TRMT11: variants seen among roughly 807,000 people sequenced by gnomAD.
The protein encoded by TRMT11 is tRNA methyltransferase 11, also known as tRNA (guanine(10)-N(2))-methyltransferase TRMT11.
In TRMT11, 53 loss-of-function variants were observed where a neutral mutation model predicts 62.8. That is an observed-to-expected ratio of 0.84 (90% CI 0.68 to 1.06). The LOEUF is 1.06. Ranked by LOEUF, TRMT11 falls within the 50% of genes least tolerant of loss-of-function variation. TRMT11 has a pLI of 0.00. For missense variants in TRMT11, 556 were observed against 553.4 expected (o/e 1.00, Z -0.05); for synonymous variants, 188 against 190.3 (o/e 0.99, Z 0.10).
In TRMT11 at chr6:125,998,307, C is replaced by G; in HGVS notation, c.379C>G (p.Arg127Gly). 1 of 1,586,290 alleles carries G rather than the reference C, an allele frequency of 6.3e-7. No individual in the cohort carries two copies. The highest frequency in any genetic ancestry group is 8.6e-7 in the Non-Finnish European group (1 of 1,158,056). The stretch of plus-strand genomic sequence containing the variant: ...ATTGACACAAGAAGAGAAAATCAAG[C>G]GAATAGATGTAAGTAAATTTAGCAA... ...KTLTQEEKIK[R>G]IDALEFLPFE... The change falls in exon 5 of 13, where the codon CGA (arginine) becomes GGA (glycine). Residue 127 changes from arginine (R) to glycine (G), a missense_variant. Coordinates refer to ENST00000334379, the MANE Select transcript of TRMT11 (RefSeq NM_001031712.3).
At chr6:125,991,802 G>T (rs1308613738) in intron 1 of TRMT11, among the ~76,000 whole-genome samples, 2 of 152,164 alleles carry the variant, frequency 1.3e-5, no homozygotes, top group Non-Finnish European at 1.5e-5. Flanking sequence ...GAGTTAATCA[G>T]GGCTAAGTAT....
the TRMT11 span, among the ~76,000 whole-genome samples, chr6:126,270,172 C>T: frequency 1.3e-5 from 2 of 152,194 alleles, no homozygotes; most frequent in East Asian, 1.9e-4. Context: ...GAGCACAGTA[C>T]TTGGCCCTGT....
At chr6:126,046,796 A>C (rs1208792582) in intron 16 of TRMT11, among the ~76,000 whole-genome samples, 3 of 152,178 alleles carry the variant, frequency 2.0e-5, no homozygotes, top group African/African-American at 7.2e-5. Context: ...CTGTTGAACC[A>C]ATTTAATGCA....
the TRMT11 span, among the ~76,000 whole-genome samples, chr6:126,265,829 ATTATAT>A: frequency 5.9e-5 from 9 of 152,194 alleles, no homozygotes; most frequent in Non-Finnish European, 1.2e-4. Context: ...TTCTGAAGAC[ATTATAT>A]TTATCATTCT....
chr6:126,008,383 A>AT lies in TRMT11; in HGVS notation c.680-4dup, dbSNP rs750804739. On this transcript the variant is annotated splice_polypyrimidine_tract_variant and intron_variant, in intron 7 of 12. Transcript: ENST00000334379. ...CTGGTTAACAGGTCAAAATTGTGTG[A>AT]TTTTTCAGGTGGCCTGCTGATAGCA... The AT allele has an allele frequency of 3.7e-6, 6 of 1,612,564 alleles. No homozygotes were observed. Among genetic ancestry groups the AT allele is most frequent in the East Asian group, 4.5e-5 (2 of 44,878 alleles).
intron 7 of TRMT11, among the ~76,000 whole-genome samples, chr6:126,001,011 T>C (rs771815628): frequency 2.6e-5 from 4 of 152,176 alleles, no homozygotes; most frequent in Non-Finnish European, 5.9e-5. Flanking sequence ...TTGTTCTATT[T>C]GTTTCTATTT....
chr6:126,247,307 C>T, the TRMT11 span, among the ~76,000 whole-genome samples: 2 of 151,814 alleles, frequency 1.3e-5, no homozygotes, highest in Non-Finnish European at 2.9e-5. Context: ...AATATCATAA[C>T]AGAGGAGAAA....
intron 18 of TRMT11, among the ~76,000 whole-genome samples, chr6:126,114,594 A>C (rs1777567527): frequency 6.6e-6 from 1 of 152,122 alleles, no homozygotes; most frequent in South Asian, 2.1e-4. Context: ...TCCGCAGTGT[A>C]CTGTGACTTT....
chr6:126,184,756 G>C (rs538576670), intron 1 of TRMT11, among the ~76,000 whole-genome samples: 3 of 152,316 alleles, frequency 2.0e-5, no homozygotes, highest in South Asian at 4.1e-4. Flanking sequence ...TGGGTTCCAA[G>C]AGTAGGGTGA....
intron 12 of TRMT11, 94 bp from the exon 13 acceptor site, chr6:126,038,611 A>T: frequency 9.1e-7 from 1 of 1,101,770 alleles, no homozygotes; most frequent in Non-Finnish European, 1.3e-6. Flanking sequence ...AGAGAGTGAG[A>T]TTTTGCTTAA....
intron 9 of TRMT11, among the ~76,000 whole-genome samples, chr6:126,011,742 T>C (rs1197915684): frequency 6.6e-6 from 1 of 152,222 alleles, no homozygotes; most frequent in Non-Finnish European, 1.5e-5. Context: ...TTGACTATAA[T>C]TGGTTATTAT....
In TRMT11 at chr6:126,012,858, T is replaced by C; in HGVS notation, c.1007+6T>C. 6.2e-7 allele frequency: 1 copy of C among 1,612,774 alleles called. No individual in the cohort carries two copies. Among genetic ancestry groups the C allele is most frequent in the South Asian group, 1.1e-5 (1 of 91,038 alleles). ...ATAGAAAAATGGGAAAAATGGTAAG[T>C]GAAATTTAAATATGATGTGTTACTA... On this transcript the variant is annotated splice_donor_region_variant and intron_variant, in intron 10 of 12. Coordinates refer to ENST00000334379, the MANE Select transcript of TRMT11 (RefSeq NM_001031712.3).
chr6:126,073,844 C>T (rs1250486624), intron 17 of TRMT11, among the ~76,000 whole-genome samples: 2 of 152,106 alleles, frequency 1.3e-5, no homozygotes, highest in East Asian at 1.9e-4. Context: ...ACTCACAGTT[C>T]AGCATGGCTG....
chr6:126,043,580 G>A (rs1316959263), downstream of TRMT11, among the ~76,000 whole-genome samples: 1 of 151,668 alleles, frequency 6.6e-6, no homozygotes, highest in African/African-American at 2.4e-5. Context: ...GTAATGGGAT[G>A]GCTGGGTCAA....
chr6:126,052,320 G>T (rs1194723506), intron 16 of TRMT11, among the ~76,000 whole-genome samples: 1 of 152,132 alleles, frequency 6.6e-6, no homozygotes, highest in Non-Finnish European at 1.5e-5. Flanking sequence ...TTGGGCTCCA[G>T]ACGCAGAAAA....
intron 17 of TRMT11, among the ~76,000 whole-genome samples, chr6:126,076,089 ATT>A (rs759819132): frequency 6.3e-5 from 9 of 142,496 alleles, no homozygotes; most frequent in Non-Finnish European, 1.2e-4. Context: ...TTAGTGTGCT[ATT>A]AAGGTTAGTA....
chr6:126,070,840 A>G (rs1776829777), intron 17 of TRMT11, among the ~76,000 whole-genome samples: 1 of 152,222 alleles, frequency 6.6e-6, no homozygotes, highest in Admixed American at 6.5e-5. Flanking sequence ...AGATGGGGAA[A>G]CTGAGGTTTA....
At chr6:126,229,487 A>G in the TRMT11 span, among the ~76,000 whole-genome samples, 3 of 152,198 alleles carry the variant, frequency 2.0e-5, no homozygotes, top group Admixed American at 2.0e-4. Context: ...ATCACATTGA[A>G]AAGGCTGGTA....
chr6:126,211,425 C>T, the TRMT11 span, among the ~76,000 whole-genome samples: 1 of 152,150 alleles, frequency 6.6e-6, no homozygotes, highest in Non-Finnish European at 1.5e-5. Context: ...TCCATCTCCA[C>T]TACCACTATC....
Sources: allele counts gnomAD v4.1 joint callset (sites outside exome capture counted in the v4.1 genomes callset), GRCh38; gene constraint gnomAD v4.1.1; transcripts MANE v1.5; gene names NCBI Gene and HGNC (gene_info 2026-07-23, HGNC 2026-07-21).